Variants in CCSER2 observed in about 807,000 individuals in gnomAD.
The protein encoded by CCSER2 is coiled-coil serine rich protein 2.
Under a neutral mutation model 92.3 loss-of-function variants are expected in CCSER2, and 46 were observed. That is an observed-to-expected ratio of 0.50 (90% CI 0.39 to 0.64). CCSER2 has a LOEUF of 0.64. Ranked by LOEUF, CCSER2 falls within the 30% of genes least tolerant of loss-of-function variation. The pLI, the probability that CCSER2 is intolerant of heterozygous loss-of-function variation, is 0.00. For synonymous variants in CCSER2, 433 were observed against 431.4 expected, an observed-to-expected ratio of 1.00 and a Z score of -0.04; for missense variants, 1,244 against 1,238.9, an observed-to-expected ratio of 1.00 and a Z score of -0.06.
At chr10:84,421,835 T>C (rs1310966706) in intron 4 of CCSER2, among the ~76,000 whole-genome samples, 1 of 152,208 alleles carries the variant, frequency 6.6e-6, no homozygotes, top group East Asian at 1.9e-4. Context: ...ACCCTGATTT[T>C]ATGCTTAGGC....
chr10:84,446,864 A>C (rs1430810420), intron 6 of CCSER2, among the ~76,000 whole-genome samples: 1 of 151,908 alleles, frequency 6.6e-6, no homozygotes. Flanking sequence ...TGAAATTATA[A>C]TGTGAGTATT....
chr10:84,417,723 A>T (rs373431965), intron 3 of CCSER2, 48 bp from the exon 4 acceptor site: 11 of 878,268 alleles, frequency 1.3e-5, no homozygotes, highest in African/African-American at 4.9e-5. Context: ...TGGTTGACAT[A>T]TCCTTAGAGC....
intron 9 of CCSER2, among the ~76,000 whole-genome samples, chr10:84,502,769 G>C (rs528184090): frequency 6.6e-6 from 1 of 152,278 alleles, no homozygotes; most frequent in East Asian, 1.9e-4. Flanking sequence ...AGTAACAGCA[G>C]TTTGTTGTTT....
chr10:84,425,720 A>C lies in CCSER2; in HGVS notation c.1706-11A>C. 1.3e-6 allele frequency: 2 copies of C among 1,570,778 alleles called. No homozygotes were observed. Among genetic ancestry groups the C allele is most frequent in the Non-Finnish European group, 1.7e-6 (2 of 1,155,174 alleles). On this transcript the variant is annotated splice_polypyrimidine_tract_variant and intron_variant, in intron 4 of 9. Coordinates refer to ENST00000372088, the MANE Select transcript of CCSER2 (RefSeq NM_001284240.2). ...ACATGTTTATAGTCTTTTGCTTTTGAATCTGTCTAGTGGAGTGTGACAATA... is the reference window on the plus strand; with the variant it reads ...ACATGTTTATAGTCTTTTGCTTTTGCATCTGTCTAGTGGAGTGTGACAATA...
At position 84,455,613 on chromosome 10, in the gene CCSER2, C is replaced by T. The variant is rs190637813; in HGVS notation, c.2065-8320C>T. On this transcript the variant is annotated intron_variant, in intron 6 of 9. Transcript: ENST00000372088. ...TTTCTGCATAAAATAAGAACTGTAT[C>T]AGTCTTGACCTTTTTTGAACTGCCT... The T allele has an allele frequency of 3.9e-5, 23 of 588,974 alleles. No homozygotes were observed. In the East Asian group the frequency reaches 7.8e-4, roughly 20 times the overall value. 36.5% of individuals were successfully genotyped at this position (588,974 alleles called of 1,614,324 possible). A position where few individuals can be genotyped will look rare whatever the true frequency, so the allele number is the denominator to read the frequency against.
intron 3 of CCSER2, among the ~76,000 whole-genome samples, chr10:84,410,294 TG>T (rs1279477148): frequency 1.9e-4 from 29 of 152,230 alleles, no homozygotes; most frequent in Non-Finnish European, 4.4e-5. Flanking sequence ...ATGGGATTAC[TG>T]GGTCAAATGG....
At chr10:84,450,005 T>A (rs571210597) in intron 6 of CCSER2, among the ~76,000 whole-genome samples, 1 of 152,364 alleles carries the variant, frequency 6.6e-6, no homozygotes, top group African/African-American at 2.4e-5. Flanking sequence ...ATGCAGTTAA[T>A]GCATGTTAGC....
intron 6 of CCSER2, among the ~76,000 whole-genome samples, chr10:84,439,012 T>C (rs1844358907): frequency 6.6e-6 from 1 of 152,168 alleles, no homozygotes; most frequent in Admixed American, 6.5e-5. Context: ...TTAGAAATAA[T>C]AGTTGTAAAT....
chr10:84,379,032 A>T (rs1031959378), intron 3 of CCSER2, among the ~76,000 whole-genome samples: 8 of 152,314 alleles, frequency 5.3e-5, no homozygotes, highest in African/African-American at 1.9e-4. Flanking sequence ...GTCCTTTGAA[A>T]GAATTTGTGT....
rs557492879 is a variant in CCSER2, at chr10:84,453,189, G to T, written c.2065-10744G>T. Among the ~76,000 whole-genome samples, 10 of 151,664 alleles carry T rather than the reference G, an allele frequency of 6.6e-5. No homozygotes were observed. The South Asian group carries it at 2.1e-3, about 32-fold the overall frequency. On this transcript the variant is annotated intron_variant, in intron 6 of 9. Transcript: ENST00000372088. The stretch of plus-strand genomic sequence containing the variant: ...TTCAGTTTTCAAAAATAATGACTTG[G>T]TATATGGGGCTTTCACTTAATTTAT...
chr10:84,457,301 A>AAAT (rs1845742881), intron 6 of CCSER2, among the ~76,000 whole-genome samples: 2 of 53,376 alleles, frequency 3.7e-5, no homozygotes, highest in East Asian at 4.9e-4. Flanking sequence ...TATTATATAT[A>AAAT]ATATGTTATA....
intron 1 of CCSER2, among the ~76,000 whole-genome samples, chr10:84,357,183 C>T (rs953754785): frequency 1.3e-5 from 2 of 152,154 alleles, no homozygotes; most frequent in African/African-American, 2.4e-5. Flanking sequence ...TCTGCAAAGA[C>T]GGTTTGATAC....
At chr10:84,486,178 A>G (rs983761774) in intron 9 of CCSER2, among the ~76,000 whole-genome samples, 4 of 152,094 alleles carry the variant, frequency 2.6e-5, no homozygotes, top group African/African-American at 7.2e-5. Context: ...AGTCTTTGCT[A>G]TTGTGAATAG....
chr10:84,406,108 G>A (rs1377492063), intron 3 of CCSER2, among the ~76,000 whole-genome samples: 1 of 152,222 alleles, frequency 6.6e-6, no homozygotes, highest in Non-Finnish European at 1.5e-5. Context: ...GTACTCAGCA[G>A]TAAAAAGAAA....
chr10:84,370,763 A>G (rs1047803024), intron 1 of CCSER2, among the ~76,000 whole-genome samples: 1 of 152,144 alleles, frequency 6.6e-6, no homozygotes, highest in Non-Finnish European at 1.5e-5. Context: ...TGGTGGTTTA[A>G]TTTTATTTCT....
rs554049040 is a variant in CCSER2 at position 84,515,432 on chromosome 10, G to GT, written c.*1171dup. On this transcript the variant is annotated 3_prime_UTR_variant, in exon 10 of 10. Coordinates refer to ENST00000372088, the MANE Select transcript of CCSER2 (RefSeq NM_001284240.2). ...AGTCTCCTAGGTTTCCCTTTTCTGT[G>GT]TTTTTTGTTTTTTTCTGTTTGTTTT... 6.6e-6 allele frequency: 1 copy of GT among 151,838 alleles called. No individual in the cohort carries two copies. The highest frequency in any genetic ancestry group is 6.6e-5 in the Admixed American group (1 of 15,206). The allele number at this position is 151,838 out of a possible 1,614,324, so 9.4% of individuals were successfully genotyped here.
At chr10:84,448,900 G>A (rs958803851) in intron 6 of CCSER2, among the ~76,000 whole-genome samples, 1 of 152,090 alleles carries the variant, frequency 6.6e-6, no homozygotes, top group African/African-American at 2.4e-5. Flanking sequence ...TGTTTTGCTA[G>A]TATCAGTAGT....
intron 9 of CCSER2, among the ~76,000 whole-genome samples, chr10:84,486,645 C>T (rs1467595637): frequency 6.6e-6 from 1 of 152,018 alleles, no homozygotes; most frequent in African/African-American, 2.4e-5. Flanking sequence ...GGATATTAGC[C>T]CTTTGTCAGA....
rs748972273 is a variant in CCSER2 at position 84,516,953 on chromosome 10, T to G, written c.*2686T>G. On this transcript the variant is annotated 3_prime_UTR_variant, in exon 10 of 10. Coordinates refer to ENST00000372088, the MANE Select transcript of CCSER2 (RefSeq NM_001284240.2). The stretch of plus-strand genomic sequence containing the variant: ...AAACTGCAAGAATATCATGCTTGTC[T>G]GCTTCTTAGTAAATGTTAAGTCTGA... The G allele has an allele frequency of 4.6e-5, 7 of 152,234 alleles. No homozygotes were observed. The highest frequency in any genetic ancestry group is 7.3e-5 in the Non-Finnish European group (5 of 68,032). 9.4% of individuals were successfully genotyped at this position (152,234 alleles called of 1,614,324 possible). A position where few individuals can be genotyped will look rare whatever the true frequency, so the allele number is the denominator to read the frequency against.
Sources: gnomAD v4.1 joint callset for allele counts (sites outside exome capture counted in the v4.1 genomes callset) on GRCh38, gnomAD v4.1.1 for gene constraint, MANE v1.5 for transcripts, NCBI Gene and HGNC (gene_info 2026-07-23, HGNC 2026-07-21) for gene names.